The following MPZL3 variants were observed in gnomAD, a reference collection of about 807,000 sequenced individuals.
MPZL3 encodes myelin protein zero like 3.
A neutral mutation model predicts 24.8 loss-of-function variants in MPZL3; 23 were observed. The observed-to-expected ratio is 0.93, with a 90% CI of 0.67 to 1.31. The LOEUF (loss-of-function observed/expected upper bound fraction) is 1.31, where lower values mean the gene tolerates loss of function less well. Among genes scored for constraint, MPZL3 ranks in the 40% most tolerant of loss-of-function variants. The pLI is 0.00. For synonymous variants in MPZL3, 99 were observed against 106.5 expected, an observed-to-expected ratio of 0.93 and a Z score of 0.44; for missense variants, 277 against 294.9, an observed-to-expected ratio of 0.94 and a Z score of 0.44.
chr11:118,237,173 C>A lies in MPZL3; in HGVS notation c.328G>T (p.Asp110Tyr), dbSNP rs1200368574. ...ISWVGNVYKG[D>Y]ASISISNPTI... ...GGGTTGCTTATACTTATAGATGCAT[C>A]CCCTTTGTATACATTTCCAACCCAG... Residue 110 changes from aspartate (D) to tyrosine (Y), a missense_variant, in exon 3 of 6, where the codon GAT (aspartate) becomes TAT (tyrosine). By Grantham distance (160) the Asp-to-Tyr change is radical. Transcript: ENST00000278949. 1.9e-5 allele frequency: 30 copies of A among 1,613,952 alleles called. No individual in the cohort carries two copies. The highest frequency in any genetic ancestry group is 2.5e-5 in the Non-Finnish European group (30 of 1,179,962).
chr11:118,245,791 GTA>G (rs1949550572), intron 1 of MPZL3, among the ~76,000 whole-genome samples: 1 of 152,086 alleles, frequency 6.6e-6, no homozygotes, highest in Non-Finnish European at 1.5e-5. Flanking sequence ...TGGTCTTTTG[GTA>G]AACAGCTAAA....
chr11:118,230,160 T>C (rs990752903), intron 5 of MPZL3, among the ~76,000 whole-genome samples: 5 of 152,194 alleles, frequency 3.3e-5, no homozygotes, highest in African/African-American at 1.2e-4. Flanking sequence ...TGAATATTTT[T>C]TAGAACCTCA....
chr11:118,241,260 T>A (rs1417651075), intron 1 of MPZL3, among the ~76,000 whole-genome samples: 1 of 152,228 alleles, frequency 6.6e-6, no homozygotes, highest in Non-Finnish European at 1.5e-5. Context: ...TGCTTCCTTA[T>A]CTACCTCAAG....
chr11:118,233,127 G>A (rs1173034411), intron 5 of MPZL3, among the ~76,000 whole-genome samples: 1 of 152,092 alleles, frequency 6.6e-6, no homozygotes, highest in African/African-American at 2.4e-5. Flanking sequence ...ATTCAGGGTC[G>A]AGTCCAGCCA....
chr11:118,240,529 G>A (rs2134706710), intron 1 of MPZL3, 152 bp from the exon 2 acceptor site: 2 of 658,652 alleles, frequency 3.0e-6, no homozygotes, highest in Non-Finnish European at 4.9e-6. Flanking sequence ...GGGACAAGGA[G>A]TTGATATCTG....
intron 1 of MPZL3, among the ~76,000 whole-genome samples, chr11:118,246,589 T>TTTTG (rs1555112619): frequency 2.1e-5 from 3 of 145,602 alleles, no homozygotes; most frequent in Non-Finnish European, 4.5e-5. Flanking sequence ...TCTTTTCTTT[T>TTTTG]TTTTTTTTTT....
chr11:118,246,584 TC>T (rs1189617590), intron 1 of MPZL3, among the ~76,000 whole-genome samples: 2 of 101,482 alleles, frequency 2.0e-5, no homozygotes, highest in African/African-American at 4.3e-5. Flanking sequence ...TTTTTTCTTT[TC>T]TTTTTTTTTT....
intron 1 of MPZL3, among the ~76,000 whole-genome samples, chr11:118,244,441 A>C (rs1949534163): frequency 6.6e-6 from 1 of 152,192 alleles, no homozygotes; most frequent in African/African-American, 2.4e-5. Flanking sequence ...AGAGTGGTTA[A>C]TGAAAGCTTC....
chr11:118,234,452 C>T (rs1050026077), intron 4 of MPZL3, among the ~76,000 whole-genome samples: 11 of 151,768 alleles, frequency 7.2e-5, no homozygotes, highest in Non-Finnish European at 1.3e-4. Flanking sequence ...GAGGGCATTC[C>T]CAGCAAGTCA....
At chr11:118,234,245 C>A (rs1949391129) in intron 4 of MPZL3, among the ~76,000 whole-genome samples, 1 of 152,106 alleles carries the variant, frequency 6.6e-6, no homozygotes, top group African/African-American at 2.4e-5. Context: ...GGGTGAGAGA[C>A]CTGTTAAAAC....
chr11:118,247,001 G>C (rs1565496536), intron 1 of MPZL3, among the ~76,000 whole-genome samples: 1 of 152,034 alleles, frequency 6.6e-6, no homozygotes. Flanking sequence ...CTAGATCCTG[G>C]TAAGAGTGGG....
chr11:118,228,119 A>G lies in MPZL3; in HGVS notation c.*1775T>C, dbSNP rs183688722. The stretch of plus-strand genomic sequence containing the variant: ...CCTCGCGTGACCAGAGTCAAATCAC[A>G]ATGTCCTTCAACTAACCAGATTCGC... On this transcript the variant is annotated 3_prime_UTR_variant, in exon 6 of 6. Coordinates refer to ENST00000278949, the MANE Select transcript of MPZL3 (RefSeq NM_198275.3). 6.6e-6 allele frequency: 1 copy of G among 152,306 alleles called. No individual in the cohort carries two copies. The highest frequency in any genetic ancestry group is 1.9e-4 in the East Asian group (1 of 5,182). 9.4% of individuals were successfully genotyped at this position (152,306 alleles called of 1,614,324 possible).
At chr11:118,244,606 C>T (rs973677590) in intron 1 of MPZL3, among the ~76,000 whole-genome samples, 10 of 151,884 alleles carry the variant, frequency 6.6e-5, no homozygotes, top group African/African-American at 2.4e-4. Flanking sequence ...GACTGCAACA[C>T]AAAAAAACAC....
intron 1 of MPZL3, among the ~76,000 whole-genome samples, chr11:118,240,775 A>ACG (rs1334267677): frequency 8.8e-6 from 1 of 113,280 alleles, no homozygotes; most frequent in East Asian, 2.8e-4. Flanking sequence ...ACACACACAC[A>ACG]CACACACACT....
intron 4 of MPZL3, among the ~76,000 whole-genome samples, chr11:118,234,567 GAT>G (rs1241160725): frequency 6.6e-6 from 1 of 152,168 alleles, no homozygotes. Flanking sequence ...GACGTGGGGA[GAT>G]GTCAGGGAAC....
chr11:118,239,825 A>G (rs982816982), intron 2 of MPZL3, among the ~76,000 whole-genome samples: 2 of 152,244 alleles, frequency 1.3e-5, no homozygotes, highest in African/African-American at 4.8e-5. Flanking sequence ...ACAGAAAATG[A>G]GCAGCCTTAA....
At chr11:118,230,421 G>C (rs1403935349) in intron 5 of MPZL3, among the ~76,000 whole-genome samples, 1 of 152,126 alleles carries the variant, frequency 6.6e-6, no homozygotes, top group Non-Finnish European at 1.5e-5. Context: ...ACACCTCATA[G>C]AACTGTTATG....
chr11:118,239,863 T>C (rs914766513), intron 2 of MPZL3, among the ~76,000 whole-genome samples: 12 of 152,336 alleles, frequency 7.9e-5, no homozygotes, highest in African/African-American at 2.2e-4. Flanking sequence ...ACTGGACCCA[T>C]AGAATTTTTC....
intron 4 of MPZL3, among the ~76,000 whole-genome samples, chr11:118,235,033 A>G (rs1424968564): frequency 6.6e-6 from 1 of 152,192 alleles, no homozygotes; most frequent in African/African-American, 2.4e-5. Flanking sequence ...AGCTATTCTT[A>G]AAGCCTCTCT....
Sources: gnomAD v4.1 joint callset for allele counts (sites outside exome capture counted in the v4.1 genomes callset) on GRCh38, gnomAD v4.1.1 for gene constraint, MANE v1.5 for transcripts, NCBI Gene and HGNC (gene_info 2026-07-23, HGNC 2026-07-21) for gene names.